The following ACTR3C variants were observed in gnomAD, a reference collection of about 807,000 sequenced individuals.
ACTR3C encodes actin related protein 3C, also known as actin-related protein 3C.
In ACTR3C, 18 loss-of-function variants were observed where a neutral mutation model predicts 26.3. The observed-to-expected ratio is 0.68, with a 90% confidence interval of 0.47 to 1.01. The LOEUF is 1.01. Ranked by LOEUF, ACTR3C falls within the 50% of genes least tolerant of loss-of-function variation. The pLI, the probability that ACTR3C is intolerant of heterozygous loss-of-function variation, is 0.00. For synonymous variants in ACTR3C, 55 were observed against 94.5 expected, an observed-to-expected ratio of 0.58 and a Z score of 2.42; for missense variants, 184 against 250.7, an observed-to-expected ratio of 0.73 and a Z score of 1.80.
the ACTR3C span, among the ~76,000 whole-genome samples, chr7:150,035,721 G>T: frequency 1.5e-5 from 2 of 137,820 alleles, no homozygotes; most frequent in African/African-American, 5.3e-5. Flanking sequence ...AGGGGGTGAA[G>T]ATGGTCTGGC....
chr7:149,976,438 G>A, the ACTR3C span, among the ~76,000 whole-genome samples: 1 of 152,060 alleles, frequency 6.6e-6, no homozygotes, highest in Admixed American at 6.5e-5. Flanking sequence ...GCTGGGCATG[G>A]TGGCAGACAC....
At chr7:150,035,438 G>A in the ACTR3C span, among the ~76,000 whole-genome samples, 4 of 72,988 alleles carry the variant, frequency 5.5e-5, no homozygotes, top group Admixed American at 3.8e-4. Context: ...CTCAGTCCCT[G>A]ACTCGCGGGG....
the ACTR3C span, among the ~76,000 whole-genome samples, chr7:150,193,985 CACACAG>C: frequency 7.1e-6 from 1 of 140,728 alleles, no homozygotes; most frequent in East Asian, 2.0e-4. Flanking sequence ...TACACATACA[CACACAG>C]ACACACACAC....
At chr7:150,140,379 G>A in the ACTR3C span, among the ~76,000 whole-genome samples, 11 of 152,078 alleles carry the variant, frequency 7.2e-5, no homozygotes, top group Non-Finnish European at 1.0e-4. Flanking sequence ...CGTACACAAG[G>A]AAGTCAACTG....
chr7:149,897,497 A>G, the ACTR3C span, among the ~76,000 whole-genome samples: 3 of 152,232 alleles, frequency 2.0e-5, no homozygotes, highest in African/African-American at 7.2e-5. Context: ...TAGTAAACAT[A>G]TACAATTATT....
At chr7:149,927,741 A>C in the ACTR3C span, among the ~76,000 whole-genome samples, 1 of 152,154 alleles carries the variant, frequency 6.6e-6, no homozygotes, top group African/African-American at 2.4e-5. Context: ...AAAGAAAAAA[A>C]AAAAGGGCCA....
intron 6 of ACTR3C, among the ~76,000 whole-genome samples, chr7:150,275,941 T>C (rs1834842595): frequency 6.6e-6 from 1 of 152,142 alleles, no homozygotes; most frequent in Non-Finnish European, 1.5e-5. Flanking sequence ...AGCCACCGTC[T>C]ATTTATTCAG....
chr7:150,034,239 G>T, the ACTR3C span, among the ~76,000 whole-genome samples: 3 of 151,652 alleles, frequency 2.0e-5, no homozygotes, highest in African/African-American at 7.3e-5. Flanking sequence ...TCAAATAGGG[G>T]GGCCATCCTT....
chr7:149,985,287 C>T, the ACTR3C span, among the ~76,000 whole-genome samples: 1 of 150,538 alleles, frequency 6.6e-6, no homozygotes, highest in Non-Finnish European at 1.5e-5. Flanking sequence ...TTTATTATCC[C>T]ATCTGGCACT....
At chr7:150,228,550 G>C in the ACTR3C span, among the ~76,000 whole-genome samples, 1 of 152,162 alleles carries the variant, frequency 6.6e-6, no homozygotes, top group Non-Finnish European at 1.5e-5. Context: ...AGCAAAATCA[G>C]AGCTGCCAAT....
At chr7:150,301,885 G>A (rs867494508) in intron 1 of ACTR3C, among the ~76,000 whole-genome samples, 18 of 152,020 alleles carry the variant, frequency 1.2e-4, no homozygotes, top group Admixed American at 1.2e-3. Context: ...AAGAGAATTC[G>A]TGTTCAATGG....
chr7:150,283,775 T>C (rs1835538582), intron 6 of ACTR3C, among the ~76,000 whole-genome samples: 1 of 151,008 alleles, frequency 6.6e-6, no homozygotes, highest in Admixed American at 6.6e-5. Context: ...CTGATTCTCT[T>C]CTCTGTACAA....
At chr7:149,952,810 C>T in the ACTR3C span, among the ~76,000 whole-genome samples, 244 of 150,730 alleles carry the variant, frequency 1.6e-3, 2 homozygotes, top group African/African-American at 5.7e-3. Flanking sequence ...AATGATAAAG[C>T]CTTGTGTTGA....
chr7:150,069,365 T>C, the ACTR3C span, among the ~76,000 whole-genome samples: 2 of 151,994 alleles, frequency 1.3e-5, no homozygotes, highest in African/African-American at 4.8e-5. Context: ...GGGGCTAAGG[T>C]GTTAGGGAGG....
the ACTR3C span, among the ~76,000 whole-genome samples, chr7:150,073,039 C>T: frequency 2.0e-5 from 3 of 152,180 alleles, no homozygotes; most frequent in South Asian, 2.1e-4. Flanking sequence ...TTTAATGCCG[C>T]CCCCTCCCCA....
the ACTR3C span, among the ~76,000 whole-genome samples, chr7:150,169,388 G>GAAAAAAAAAA: frequency 1.7e-5 from 2 of 120,138 alleles, no homozygotes; most frequent in Non-Finnish European, 1.6e-5. Context: ...ATTTCAAAAG[G>GAAAAAAAAAA]AAAAAAAAAA....
chr7:150,093,180 T>C, the ACTR3C span, among the ~76,000 whole-genome samples: 1 of 151,114 alleles, frequency 6.6e-6, no homozygotes, highest in Non-Finnish European at 1.5e-5. Context: ...CAATTAGAGG[T>C]GATTTTGCCT....
chr7:150,163,219 C>A, the ACTR3C span, among the ~76,000 whole-genome samples: 2 of 151,548 alleles, frequency 1.3e-5, no homozygotes, highest in African/African-American at 4.9e-5. Flanking sequence ...ACAGGGAGGA[C>A]CTCCTTGAAA....
the ACTR3C span, among the ~76,000 whole-genome samples, chr7:149,985,361 A>C: frequency 6.6e-6 from 1 of 152,168 alleles, no homozygotes; most frequent in Non-Finnish European, 1.5e-5. Flanking sequence ...ATCATGATTT[A>C]CTCTCACAGG....
Sources: gnomAD v4.1 joint callset for allele counts (sites outside exome capture counted in the v4.1 genomes callset) on GRCh38, gnomAD v4.1.1 for gene constraint, MANE v1.5 for transcripts, NCBI Gene and HGNC (gene_info 2026-07-23, HGNC 2026-07-21) for gene names.